The following NRXN1 variants were observed in gnomAD, a reference collection of about 807,000 sequenced individuals.
NRXN1 encodes neurexin-1.
A neutral mutation model predicts 150.9 loss-of-function variants in NRXN1; 39 were observed. The ratio of observed to expected loss-of-function variants is 0.26; its 90% CI spans 0.20 to 0.34. The LOEUF is 0.34. NRXN1 is among the 10% of genes least tolerant of loss of function. The probability of loss-of-function intolerance (pLI) is 1.00; values close to 1 mark genes in which losing one functional copy is unlikely to be tolerated. For synonymous variants in NRXN1, 924 were observed against 757.0 expected (o/e 1.22, Z -3.62); for missense variants, 1,815 against 1,949.9 (o/e 0.93, Z 1.30).
At chr2:50,999,997 T>C (rs1490047902) in intron 2 of NRXN1, among the ~76,000 whole-genome samples, 1 of 152,138 alleles carries the variant, frequency 6.6e-6, no homozygotes, top group Admixed American at 6.6e-5. Flanking sequence ...TAGAATAAAA[T>C]AGGAAGTTCA....
At chr2:50,146,662 A>G (rs1708052990) in intron 18 of NRXN1, among the ~76,000 whole-genome samples, 1 of 151,664 alleles carries the variant, frequency 6.6e-6, no homozygotes, top group Non-Finnish European at 1.5e-5. Context: ...GTATATTGCT[A>G]TTATACTTAG....
intron 17 of NRXN1, among the ~76,000 whole-genome samples, chr2:50,237,740 GAA>G (rs2065596901): frequency 6.6e-6 from 1 of 151,908 alleles, no homozygotes; most frequent in Admixed American, 6.6e-5. Flanking sequence ...CAGCTTAAAT[GAA>G]AAGAGTCTTT....
chr2:50,955,088 TCACA>T (rs1008768093), intron 2 of NRXN1, among the ~76,000 whole-genome samples: 2 of 152,008 alleles, frequency 1.3e-5, no homozygotes, highest in East Asian at 1.9e-4. Flanking sequence ...TCTCTATCTC[TCACA>T]CACACACGCA....
chr2:49,946,206 T>C (rs1407164585), intron 21 of NRXN1, among the ~76,000 whole-genome samples: 1 of 152,242 alleles, frequency 6.6e-6, no homozygotes, highest in East Asian at 1.9e-4. Flanking sequence ...TATGTTCATA[T>C]ACTTCACCCA....
intron 17 of NRXN1, among the ~76,000 whole-genome samples, chr2:50,245,198 A>T (rs890955120): frequency 2.0e-5 from 3 of 151,928 alleles, no homozygotes; most frequent in Non-Finnish European, 4.4e-5. Context: ...ACTTGTTTTG[A>T]GATCAAATTC....
At chr2:51,003,698 ACACAC>A (rs1300592807) in intron 2 of NRXN1, among the ~76,000 whole-genome samples, 1 of 151,940 alleles carries the variant, frequency 6.6e-6, no homozygotes, top group Non-Finnish European at 1.5e-5. Context: ...TCCTGCTTGT[ACACAC>A]AATAGTAACA....
intron 17 of NRXN1, among the ~76,000 whole-genome samples, chr2:50,453,651 G>T (rs1487941663): frequency 6.6e-6 from 1 of 152,026 alleles, no homozygotes; most frequent in African/African-American, 2.4e-5. Context: ...AATTAATACG[G>T]AAAGAAAAAT....
chr2:50,130,762 G>A (rs1049193424), intron 18 of NRXN1, among the ~76,000 whole-genome samples: 2 of 152,064 alleles, frequency 1.3e-5, no homozygotes, highest in South Asian at 2.1e-4. Flanking sequence ...TATGACCTCC[G>A]AAAAGGCTTT....
chr2:50,237,956 T>A (rs891773570), intron 17 of NRXN1, among the ~76,000 whole-genome samples: 2 of 151,922 alleles, frequency 1.3e-5, no homozygotes, highest in African/African-American at 4.8e-5. Context: ...TGTTTGACAT[T>A]TCCTCCTACA....
chr2:50,052,170 G>A (rs1485726373), intron 21 of NRXN1, among the ~76,000 whole-genome samples: 1 of 151,990 alleles, frequency 6.6e-6, no homozygotes, highest in East Asian at 1.9e-4. Flanking sequence ...CTTCCAAACT[G>A]GATGCAGGTC....
intron 5 of NRXN1, among the ~76,000 whole-genome samples, chr2:50,876,236 T>G (rs1057021582): frequency 6.6e-6 from 1 of 151,824 alleles, no homozygotes; most frequent in Admixed American, 6.6e-5. Flanking sequence ...ATTTTTTTTT[T>G]CTACCTAACT....
At chr2:50,839,750 T>C (rs987465754) in intron 5 of NRXN1, among the ~76,000 whole-genome samples, 1 of 152,138 alleles carries the variant, frequency 6.6e-6, no homozygotes, top group Non-Finnish European at 1.5e-5. Flanking sequence ...TTATTGAGCT[T>C]ATGTTCTAGT....
chr2:50,225,458 T>C (rs1286668793), intron 18 of NRXN1, among the ~76,000 whole-genome samples: 2 of 151,930 alleles, frequency 1.3e-5, no homozygotes, highest in Non-Finnish European at 2.9e-5. Context: ...CAAGGACATA[T>C]AAAGACATAG....
intron 2 of NRXN1, among the ~76,000 whole-genome samples, chr2:51,003,604 T>A (rs938739496): frequency 4.6e-5 from 7 of 151,968 alleles, no homozygotes; most frequent in African/African-American, 1.7e-4. Context: ...AAAGGCAGAC[T>A]GGGCAAAAGA....
At chr2:50,255,713 A>C (rs1243854755) in intron 17 of NRXN1, among the ~76,000 whole-genome samples, 1 of 152,156 alleles carries the variant, frequency 6.6e-6, no homozygotes, top group Admixed American at 6.6e-5. Context: ...AAAAATTTTA[A>C]TTCATTTTAA....
intron 5 of NRXN1, among the ~76,000 whole-genome samples, chr2:50,644,067 T>C (rs1408340101): frequency 1.3e-5 from 2 of 151,732 alleles, no homozygotes; most frequent in Non-Finnish European, 2.9e-5. Context: ...TTCCCTAAAG[T>C]GTTATTATTT....
intron 19 of NRXN1, among the ~76,000 whole-genome samples, chr2:50,064,663 T>A (rs1695089718): frequency 6.6e-6 from 1 of 152,174 alleles, no homozygotes; most frequent in Non-Finnish European, 1.5e-5. Context: ...TCTCTTCACA[T>A]CGTATTAATC....
chr2:50,567,261 A>G (rs1271936792), intron 8 of NRXN1, among the ~76,000 whole-genome samples: 2 of 152,234 alleles, frequency 1.3e-5, no homozygotes, highest in African/African-American at 4.8e-5. Flanking sequence ...TAGGATGAAT[A>G]ACATTCAACA....
rs146257191 is a variant in NRXN1, at chr2:50,293,073, G to A, written c.3365-56103C>T. ...GTGCCCCTAAGCGTACATACCCCAA[G>A]TCTTTCTGATTCTACATTTAGTTTT... is the stretch of plus-strand genomic sequence containing the variant. On this transcript the variant is annotated intron_variant, in intron 17 of 22. Coordinates refer to ENST00000401669, the MANE Select transcript of NRXN1 (RefSeq NM_001330078.2). Among the ~76,000 whole-genome samples, 384 of 152,212 alleles carry A rather than the reference G, an allele frequency of 2.5e-3. 1 individual carries two copies. Among genetic ancestry groups the A allele is most frequent in the African/African-American group, 8.4e-3 (349 of 41,552 alleles).
Sources: allele counts gnomAD v4.1 joint callset (sites outside exome capture counted in the v4.1 genomes callset), GRCh38; gene constraint gnomAD v4.1.1; transcripts MANE v1.5; gene names NCBI Gene and HGNC (gene_info 2026-07-23, HGNC 2026-07-21).